Variants in MAML3 observed in about 807,000 individuals in gnomAD.
MAML3 encodes mastermind-like protein 3.
A neutral mutation model predicts 101.9 loss-of-function variants in MAML3; 27 were observed. That is an observed-to-expected ratio of 0.27 (90% CI 0.20 to 0.37). The LOEUF (loss-of-function observed/expected upper bound fraction) is 0.37. Ranked by LOEUF, MAML3 falls within the 10% of genes least tolerant of loss-of-function variation. The probability of loss-of-function intolerance (pLI) is 1.00; values close to 1 mark genes in which losing one functional copy is unlikely to be tolerated. For missense variants in MAML3, 1,316 were observed against 1,444.9 expected, an observed-to-expected ratio of 0.91 and a Z score of 1.45; for synonymous variants, 501 against 555.9, an observed-to-expected ratio of 0.90 and a Z score of 1.39.
At chr4:139,888,180 G>C (rs1306129064) in intron 2 of MAML3, among the ~76,000 whole-genome samples, 1 of 152,128 alleles carries the variant, frequency 6.6e-6, no homozygotes, top group African/African-American at 2.4e-5. Flanking sequence ...GGGGTTTCGG[G>C]GGTGGGGTGG....
At chr4:140,090,984 AGGTTGCAGTAAGCCAAGG>A (rs1728035190) in intron 1 of MAML3, among the ~76,000 whole-genome samples, 1 of 152,172 alleles carries the variant, frequency 6.6e-6, no homozygotes, top group Non-Finnish European at 1.5e-5. Flanking sequence ...CAGGAGGCGG[AGGTTGCAGTAAGCCAAGG>A]TTGCGCCACT....
intron 1 of MAML3, among the ~76,000 whole-genome samples, chr4:140,050,578 G>C (rs552252081): frequency 6.6e-6 from 1 of 152,108 alleles, no homozygotes; most frequent in Non-Finnish European, 1.5e-5. Context: ...TTCCACTGCC[G>C]TGGGCTCCAC....
At chr4:139,750,715 T>C (rs1449145742) in intron 2 of MAML3, among the ~76,000 whole-genome samples, 1 of 152,232 alleles carries the variant, frequency 6.6e-6, no homozygotes, top group Non-Finnish European at 1.5e-5. Flanking sequence ...TTTCTTTGTA[T>C]ATTCTACCTA....
intron 2 of MAML3, chr4:139,740,445 T>G (rs1248176407): frequency 1.3e-5 from 2 of 151,908 alleles, no homozygotes; most frequent in Non-Finnish European, 2.9e-5. Flanking sequence ...CTCCATTAGG[T>G]TTTTTTTACC....
chr4:139,940,383 G>C (rs1578608475), intron 1 of MAML3, among the ~76,000 whole-genome samples: 1 of 152,180 alleles, frequency 6.6e-6, no homozygotes, highest in African/African-American at 2.4e-5. Context: ...CCTAAAGATT[G>C]ATTGGAATCT....
In MAML3 at chr4:139,835,861, T is replaced by C. The variant is rs13146044; in HGVS notation, c.2079+53496A>G. Reference sequence around the variant, plus strand: ...GATTGTGGCTCAAAGGAAGTCAATTTAAACGCAAAGATGATGGGAAAAATT... The same window carrying C: ...GATTGTGGCTCAAAGGAAGTCAATTCAAACGCAAAGATGATGGGAAAAATT... On this transcript the variant is annotated intron_variant, in intron 2 of 4. Transcript: ENST00000509479. Among the ~76,000 whole-genome samples the C allele has an allele frequency of 5.5e-3, 845 of 152,342 alleles. 4 individuals are homozygous for C. The highest frequency in any genetic ancestry group is 0.017 in the East Asian group (86 of 5,192).
chr4:139,721,364 T>C (rs79151472), intron 4 of MAML3, among the ~76,000 whole-genome samples: 1 of 152,340 alleles, frequency 6.6e-6, no homozygotes, highest in East Asian at 1.9e-4. Context: ...CGGATTTTTC[T>C]ATGTCCCTGC....
At chr4:139,855,583 T>C (rs892416125) in intron 2 of MAML3, among the ~76,000 whole-genome samples, 3 of 152,220 alleles carry the variant, frequency 2.0e-5, no homozygotes, top group African/African-American at 7.2e-5. Flanking sequence ...ACCGGAGAAT[T>C]TATAAGGAGT....
intron 1 of MAML3, among the ~76,000 whole-genome samples, chr4:140,102,130 C>T (rs1728262109): frequency 6.6e-6 from 1 of 152,176 alleles, no homozygotes; most frequent in African/African-American, 2.4e-5. Flanking sequence ...AGAAAATGGA[C>T]ACTAGCCTGT....
chr4:140,129,921 T>C (rs1728761518), intron 1 of MAML3, among the ~76,000 whole-genome samples: 1 of 150,246 alleles, frequency 6.7e-6, no homozygotes, highest in African/African-American at 2.5e-5. Context: ...GCCAAGATTG[T>C]GCCACTGCAC....
intron 1 of MAML3, among the ~76,000 whole-genome samples, chr4:140,118,603 G>C (rs903895633): frequency 6.6e-6 from 1 of 152,070 alleles, no homozygotes; most frequent in Non-Finnish European, 1.5e-5. Flanking sequence ...CCAGCACTTT[G>C]GGAGGCGAAG....
At chr4:139,769,958 T>C (rs1729942970) in intron 2 of MAML3, among the ~76,000 whole-genome samples, 1 of 147,302 alleles carries the variant, frequency 6.8e-6, no homozygotes, top group South Asian at 2.1e-4. Context: ...CTCCCTCTGT[T>C]GCCCAGTCCG....
At chr4:139,865,619 A>T (rs1696295787) in intron 2 of MAML3, among the ~76,000 whole-genome samples, 1 of 149,040 alleles carries the variant, frequency 6.7e-6, no homozygotes, top group African/African-American at 2.5e-5. Flanking sequence ...CCTCTTGTTT[A>T]ACTCTTCCCA....
At position 139,867,357 on chromosome 4, in the gene MAML3, G is replaced by C. The variant is rs75304662; in HGVS notation, c.2079+22000C>G. Reference sequence around the variant, plus strand: ...TGTGTTACTTCAAAAAGAAAAAAAAGTTAAAATCCATAGGCCTAGAGGGTG... The same window carrying C: ...TGTGTTACTTCAAAAAGAAAAAAAACTTAAAATCCATAGGCCTAGAGGGTG... On this transcript the variant is annotated intron_variant, in intron 2 of 4. Transcript: ENST00000509479. 1.3e-3 allele frequency among the ~76,000 whole-genome samples: 201 copies of C among 152,292 alleles called. 7 individuals carry two copies. In the East Asian group the frequency reaches 0.037, roughly 28 times the overall value.
At chr4:139,809,404 T>C (rs999092695) in intron 2 of MAML3, among the ~76,000 whole-genome samples, 1 of 152,248 alleles carries the variant, frequency 6.6e-6, no homozygotes, top group Non-Finnish European at 1.5e-5. Context: ...TGGAATATTG[T>C]TTATTTTTTC....
chr4:139,726,065 G>T (rs1312163153), intron 3 of MAML3, among the ~76,000 whole-genome samples: 1 of 152,202 alleles, frequency 6.6e-6, no homozygotes, highest in Non-Finnish European at 1.5e-5. Flanking sequence ...ACAGAACGCT[G>T]CCAGGAGCCC....
At chr4:139,887,879 T>G (rs1277131586) in intron 2 of MAML3, among the ~76,000 whole-genome samples, 1 of 152,226 alleles carries the variant, frequency 6.6e-6, no homozygotes, top group African/African-American at 2.4e-5. Context: ...ATCTGGAGTA[T>G]ATAAAATGCT....
At chr4:140,029,126 C>T (rs1726870410) in intron 1 of MAML3, among the ~76,000 whole-genome samples, 1 of 152,104 alleles carries the variant, frequency 6.6e-6, no homozygotes, top group South Asian at 2.1e-4. Context: ...TGCTCTCAGC[C>T]CAGGGGGACA....
intron 1 of MAML3, among the ~76,000 whole-genome samples, chr4:140,010,065 CAA>C: frequency 6.6e-6 from 1 of 152,204 alleles, no homozygotes; most frequent in African/African-American, 2.4e-5. Context: ...TTTTCCATTG[CAA>C]AGAGGTAATT....
Sources: gnomAD v4.1 joint callset for allele counts (sites outside exome capture counted in the v4.1 genomes callset) on GRCh38, gnomAD v4.1.1 for gene constraint, MANE v1.5 for transcripts, NCBI Gene and HGNC (gene_info 2026-07-23, HGNC 2026-07-21) for gene names.